Variants in CHODL observed in about 807,000 individuals in gnomAD.
The protein encoded by CHODL is chondrolectin.
In CHODL, 29 loss-of-function variants were observed where a neutral mutation model predicts 34.5. The ratio of observed to expected loss-of-function variants is 0.84; its 90% confidence interval spans 0.63 to 1.15. CHODL has a LOEUF of 1.15. Among genes scored for constraint, CHODL ranks in the 50% most tolerant of loss-of-function variants. The pLI, the probability that CHODL is intolerant of heterozygous loss-of-function variation, is 0.00. For missense variants in CHODL, 332 were observed against 332.5 expected, an observed-to-expected ratio of 1.00 and a Z score of 0.01; for synonymous variants, 125 against 116.1, an observed-to-expected ratio of 1.08 and a Z score of -0.49.
At chr21:18,162,673 C>G (rs930554754) in intron 2 of CHODL, among the ~76,000 whole-genome samples, 9 of 151,972 alleles carry the variant, frequency 5.9e-5, no homozygotes, top group Non-Finnish European at 1.2e-4. Flanking sequence ...ATAATTCCAC[C>G]CATAATAACT....
intron 1 of CHODL, among the ~76,000 whole-genome samples, chr21:17,971,704 A>G (rs1405597699): frequency 6.6e-6 from 1 of 152,160 alleles, no homozygotes; most frequent in Non-Finnish European, 1.5e-5. Flanking sequence ...ACGGATTCAC[A>G]GCCAAATTCT....
intron 2 of CHODL, among the ~76,000 whole-genome samples, chr21:18,068,403 G>A (rs1162470861): frequency 6.6e-6 from 1 of 152,082 alleles, no homozygotes; most frequent in Non-Finnish European, 1.5e-5. Flanking sequence ...CACCCTGTTG[G>A]CCAGGCAGGT....
chr21:18,022,160 A>G (rs1385456390), intron 1 of CHODL, among the ~76,000 whole-genome samples: 1 of 152,122 alleles, frequency 6.6e-6, no homozygotes, highest in African/African-American at 2.4e-5. Context: ...ATTCACTCAC[A>G]TTTTTACAGG....
intron 2 of CHODL, among the ~76,000 whole-genome samples, chr21:18,036,769 T>C (rs2146447512): frequency 6.6e-6 from 1 of 152,110 alleles, no homozygotes; most frequent in South Asian, 2.1e-4. Context: ...TTTTTTGATT[T>C]GGGCAGATAT....
At position 18,120,643 on chromosome 21, in the gene CHODL, A is replaced by G. The variant is rs567326357; in HGVS notation, c.-45+92672A>G. Among the ~76,000 whole-genome samples, 6 of 152,270 alleles carry G rather than the reference A, an allele frequency of 3.9e-5. No homozygotes were observed. The South Asian group carries it at 8.3e-4, about 21-fold the overall frequency. On this transcript the variant is annotated intron_variant, in intron 2 of 6. Coordinates refer to the CHODL transcript ENST00000400127. Reference sequence around the variant, plus strand: ...ATGTGTGTGTACATATATACAAAATATGTGTCTCTATGTCTATCTATACAT... The same window carrying G: ...ATGTGTGTGTACATATATACAAAATGTGTGTCTCTATGTCTATCTATACAT...
chr21:18,011,503 ATAT>A (rs1253327622), intron 1 of CHODL, among the ~76,000 whole-genome samples: 1 of 152,202 alleles, frequency 6.6e-6, no homozygotes, highest in East Asian at 1.9e-4. Context: ...CTTGGCATAA[ATAT>A]TATTTTCTCT....
intron 1 of CHODL, among the ~76,000 whole-genome samples, chr21:18,251,534 A>AT (rs1555886294): frequency 0.086 from 78 of 904 alleles, 14 homozygotes; most frequent in African/African-American, 0.15. Flanking sequence ...TATTTTATTT[A>AT]TTATTTTAAT....
At chr21:18,162,412 TC>T (rs1467043757) in intron 2 of CHODL, among the ~76,000 whole-genome samples, 298 of 2,996 alleles carry the variant, frequency 0.099, 1 homozygote, top group African/African-American at 0.29. Flanking sequence ...CGTGGTGTTT[TC>T]TCTCTCTCTC....
intron 2 of CHODL, among the ~76,000 whole-genome samples, chr21:18,211,366 A>G (rs2073773412): frequency 6.6e-6 from 1 of 152,194 alleles, no homozygotes; most frequent in Non-Finnish European, 1.5e-5. Context: ...AACAGCATAT[A>G]GGTGATACTC....
At chr21:17,941,571 A>T (rs1362982899) in intron 1 of CHODL, among the ~76,000 whole-genome samples, 1 of 151,996 alleles carries the variant, frequency 6.6e-6, no homozygotes, top group Non-Finnish European at 1.5e-5. Context: ...TAAAAAACAG[A>T]GGGATAATGT....
rs71189575 is a variant in CHODL, at chr21:18,009,887, C to CA, written c.-144-17972dup. Among the ~76,000 whole-genome samples, 392 of 94,722 alleles carry CA rather than the reference C, an allele frequency of 4.1e-3. 9 individuals carry two copies. Among genetic ancestry groups the CA allele is most frequent in the Middle Eastern group, 0.026 (4 of 156 alleles). 62.1% of individuals were successfully genotyped at this position (94,722 alleles called of 152,430 possible). On this transcript the variant is annotated intron_variant, in intron 1 of 6. Transcript: ENST00000400127. ...TGGGCGACAGAGCCAGACTCCGTCT[C>CA]AAAAAAAAAAAAATAACATTTGGGT... is the stretch of plus-strand genomic sequence containing the variant.
chr21:18,106,581 C>T (rs1029401545), intron 2 of CHODL, among the ~76,000 whole-genome samples: 27 of 151,458 alleles, frequency 1.8e-4, no homozygotes, highest in African/African-American at 4.9e-4. Flanking sequence ...CTGCAAGCTC[C>T]GCCTCCTGGG....
intron 1 of CHODL, among the ~76,000 whole-genome samples, chr21:17,986,322 C>A (rs112815806): frequency 6.5e-4 from 99 of 152,126 alleles, no homozygotes; most frequent in African/African-American, 1.6e-3. Flanking sequence ...CCTAGCCCCC[C>A]ACCCCTGACA....
chr21:17,917,442 A>G (rs1241196680), intron 1 of CHODL: 3 of 152,014 alleles, frequency 2.0e-5, no homozygotes, highest in Non-Finnish European at 4.4e-5. Context: ...TCCTTATACT[A>G]TTTGTTCTGT....
rs567149261 is a variant in CHODL at position 18,174,776 on chromosome 21, G to T, written c.-44-81733G>T. ...AAATTGTACCTTATTTTGTGCCACA[G>T]ATGTAGTTCTGAGGGTTTACTTGTG... On this transcript the variant is annotated intron_variant, in intron 2 of 6. Transcript: ENST00000400127. Among the ~76,000 whole-genome samples the T allele has an allele frequency of 5.4e-4, 82 of 152,284 alleles. 1 individual carries two copies. The highest frequency in any genetic ancestry group is 1.8e-3 in the African/African-American group (75 of 41,564).
rs532692450 is a variant in CHODL, at chr21:18,193,748, A to T, written c.-44-62761A>T. On this transcript the variant is annotated intron_variant, in intron 2 of 6. Transcript: ENST00000400127. ...ATAAATAAATAAATAAATAAATAAA[A>T]AATAAACTTAAAAAAAAGTCCTTTG... Among the ~76,000 whole-genome samples the T allele has an allele frequency of 1.4e-3, 206 of 146,742 alleles. 2 individuals are homozygous for T. Among genetic ancestry groups the T allele is most frequent in the Middle Eastern group, 6.9e-3 (2 of 288 alleles).
chr21:18,016,442 G>A (rs1474875448), intron 1 of CHODL, among the ~76,000 whole-genome samples: 1 of 152,214 alleles, frequency 6.6e-6, no homozygotes, highest in African/African-American at 2.4e-5. Flanking sequence ...ATATGAAAAT[G>A]CCTTGATGTC....
intron 2 of CHODL, among the ~76,000 whole-genome samples, chr21:18,182,121 T>C (rs2073389005): frequency 6.6e-6 from 1 of 152,200 alleles, no homozygotes; most frequent in South Asian, 2.1e-4. Flanking sequence ...TCATGCTGTT[T>C]ATTTAACCTT....
At chr21:18,233,240 G>A (rs981535509) in intron 2 of CHODL, among the ~76,000 whole-genome samples, 6 of 151,720 alleles carry the variant, frequency 4.0e-5, no homozygotes, top group Non-Finnish European at 8.8e-5. Flanking sequence ...TCCGTGCCTG[G>A]CTTATTTCAT....
Sources: allele counts gnomAD v4.1 joint callset (sites outside exome capture counted in the v4.1 genomes callset), GRCh38; gene constraint gnomAD v4.1.1; transcripts MANE v1.5; gene names NCBI Gene and HGNC (gene_info 2026-07-23, HGNC 2026-07-21).